Variants in MORN5 observed in about 807,000 individuals in gnomAD.
MORN5 encodes the protein MORN repeat-containing protein 5.
A neutral mutation model predicts 22.1 loss-of-function variants in MORN5; 21 were observed. The observed-to-expected ratio is 0.95, with a 90% CI of 0.67 to 1.37. The LOEUF (loss-of-function observed/expected upper bound fraction) is 1.37. Ranked by LOEUF, MORN5 falls within the 40% of genes most tolerant of loss-of-function variation. MORN5 has a pLI of 0.00. For missense variants in MORN5, 211 were observed against 215.1 expected (o/e 0.98, Z 0.12); for synonymous variants, 73 against 74.0 (o/e 0.99, Z 0.07).
At chr9:122,176,193 C>T (rs535523867) in intron 4 of MORN5, among the ~76,000 whole-genome samples, 1 of 152,058 alleles carries the variant, frequency 6.6e-6, no homozygotes, top group South Asian at 2.1e-4. Context: ...CTAAGATGCC[C>T]GTAACCCACT....
chr9:122,184,307 G>A lies in MORN5; in HGVS notation c.439+9680G>A, dbSNP rs889137464. On this transcript the variant is annotated intron_variant, in intron 4 of 4. Transcript: ENST00000373764. ...ATCATCTGTTGAAAAAGGCATGGGT[G>A]AAAAGCTCCCAGACATGATGTTTAT... Among the ~76,000 whole-genome samples, 8 of 152,310 alleles carry A rather than the reference G, an allele frequency of 5.3e-5. No individual in the cohort carries two copies. The East Asian group carries it at 1.5e-3, about 29-fold the overall frequency.
At chr9:122,180,506 G>C (rs920069407) in intron 4 of MORN5, among the ~76,000 whole-genome samples, 6 of 152,004 alleles carry the variant, frequency 3.9e-5, no homozygotes, top group African/African-American at 1.5e-4. Context: ...GGCTGGTCTC[G>C]AACTCCTGAC....
chr9:122,169,616 G>A (rs969842363), intron 2 of MORN5, 29 bp from the exon 3 acceptor site: 1 of 1,532,390 alleles, frequency 6.5e-7, no homozygotes, highest in Non-Finnish European at 9.0e-7. Flanking sequence ...AGCTTCCTCA[G>A]ATGCACGTGT....
At chr9:122,190,151 C>T (rs111360805) in intron 4 of MORN5, among the ~76,000 whole-genome samples, 193 of 152,270 alleles carry the variant, frequency 1.3e-3, no homozygotes, top group African/African-American at 4.4e-3. Flanking sequence ...CCCTTGCACA[C>T]GGAAGTGCTT....
At chr9:122,171,276 C>G (rs1169000673) in intron 3 of MORN5, among the ~76,000 whole-genome samples, 1 of 152,202 alleles carries the variant, frequency 6.6e-6, no homozygotes, top group African/African-American at 2.4e-5. Context: ...AGCTCAAACC[C>G]CCATCTCCTT....
chr9:122,197,142 C>A lies in MORN5; in HGVS notation c.440-2743C>A, dbSNP rs1829910468. On this transcript the variant is annotated intron_variant, in intron 4 of 4. Coordinates refer to ENST00000373764, the MANE Select transcript of MORN5 (RefSeq NM_198469.4). The surrounding 1 kb of genome is among the most constrained non-coding windows in gnomAD (Gnocchi z 5.7). ...AGTGGAATTACCGGGCCAACAGGGA[C>A]CAAAAATTTTTAAGATAAATGCACC... Among the ~76,000 whole-genome samples, 1 of 152,212 alleles carries A rather than the reference C, an allele frequency of 6.6e-6. No homozygotes were observed. The highest frequency in any genetic ancestry group is 2.1e-4 in the South Asian group (1 of 4,816).
At chr9:122,167,935 C>G (rs956488075) in intron 2 of MORN5, among the ~76,000 whole-genome samples, 5 of 152,156 alleles carry the variant, frequency 3.3e-5, no homozygotes, top group Admixed American at 2.0e-4. Context: ...ATCACGTCAC[C>G]CTTCGTCCCT....
Position 122,197,937 on chromosome 9 carries a change from T to C in MORN5, c.440-1948T>C, listed in dbSNP as rs141745965. 0.017 allele frequency among the ~76,000 whole-genome samples: 2,651 copies of C among 152,286 alleles called. 65 individuals are homozygous for C. The highest frequency in any genetic ancestry group is 0.055 in the African/African-American group (2,281 of 41,558). On this transcript the variant is annotated intron_variant, in intron 4 of 4. Coordinates refer to ENST00000373764, the MANE Select transcript of MORN5 (RefSeq NM_198469.4). This position sits in a 1 kb window ranked among gnomAD's most constrained non-coding sequence, Gnocchi z 5.7. ...CTCCCCAGAGGAAACTGAGGCTCACTGGCTGCTTGCCAGAGTGTGCCAGGC... is the reference window on the plus strand; with the variant it reads ...CTCCCCAGAGGAAACTGAGGCTCACCGGCTGCTTGCCAGAGTGTGCCAGGC...
intron 4 of MORN5, among the ~76,000 whole-genome samples, chr9:122,176,834 C>T (rs1276544489): frequency 1.3e-5 from 2 of 152,048 alleles, no homozygotes; most frequent in African/African-American, 2.4e-5. Flanking sequence ...GCCAAGATAG[C>T]GCCACTCCAC....
chr9:122,196,015 C>T (rs1385014831), intron 4 of MORN5, among the ~76,000 whole-genome samples: 2 of 134,862 alleles, frequency 1.5e-5, no homozygotes, highest in East Asian at 4.9e-4. Flanking sequence ...ACTCTGTCAC[C>T]CAGGCAATCA....
rs192753205 is a variant in MORN5, at chr9:122,175,516, C to T, written c.439+889C>T. 3.7e-5 allele frequency: 36 copies of T among 985,346 alleles called. No individual in the cohort carries two copies. In the African/African-American group the frequency reaches 5.9e-4, roughly 16 times the overall value. The allele number at this position is 985,346 out of a possible 1,614,324, so 61.0% of individuals were successfully genotyped here. On this transcript the variant is annotated intron_variant, in intron 4 of 4. Transcript: ENST00000373764. ...TCCTAAACTTATCCTTTTCTGAAGT[C>T]ACACTCCCACTAGGAATATCAAAAG...
chr9:122,161,987 C>T (rs1829207507), intron 1 of MORN5, among the ~76,000 whole-genome samples: 2 of 152,168 alleles, frequency 1.3e-5, no homozygotes, highest in African/African-American at 2.4e-5. Flanking sequence ...TACTTCTTTT[C>T]ATAAGTTGGA....
At chr9:122,199,206 C>T (rs559013415) in intron 4 of MORN5, among the ~76,000 whole-genome samples, 1 of 152,232 alleles carries the variant, frequency 6.6e-6, no homozygotes, top group African/African-American at 2.4e-5. Context: ...CTAGTCTGAG[C>T]TCTCCCACAT....
intron 4 of MORN5, among the ~76,000 whole-genome samples, chr9:122,183,029 C>T (rs750966140): frequency 1.3e-5 from 2 of 152,208 alleles, no homozygotes; most frequent in South Asian, 4.1e-4. Context: ...GTTGTTCCCC[C>T]ACCAAGCACA....
chr9:122,198,085 C>T (rs1444834931), intron 4 of MORN5, among the ~76,000 whole-genome samples: 1 of 152,178 alleles, frequency 6.6e-6, no homozygotes, highest in African/African-American at 2.4e-5. Context: ...GGCTGCAGAG[C>T]CTGGTGAACC....
At chr9:122,162,605 G>T (rs1404448914) in intron 1 of MORN5, among the ~76,000 whole-genome samples, 2 of 152,180 alleles carry the variant, frequency 1.3e-5, no homozygotes, top group Non-Finnish European at 2.9e-5. Context: ...GAAACTAATT[G>T]TGGTATATCC....
intron 3 of MORN5, 23 bp downstream of exon 3, chr9:122,169,779 C>T (rs1343650895): frequency 6.9e-7 from 1 of 1,459,362 alleles, no homozygotes; most frequent in African/African-American, 1.4e-5. Flanking sequence ...CCACCCTTTC[C>T]TTCATACCCA....
In MORN5 at chr9:122,199,966, C is replaced by T. The variant is rs779486243; in HGVS notation, c.*35C>T. On this transcript the variant is annotated 3_prime_UTR_variant, in exon 5 of 5. Coordinates refer to ENST00000373764, the MANE Select transcript of MORN5 (RefSeq NM_198469.4). ...GTGGGTCACAGGCCCGAGCCGTGAA[C>T]TCTGTGGCTGCCTCCACCAGAGGTT... 19 of 1,611,918 alleles carry T rather than the reference C, an allele frequency of 1.2e-5. No individual in the cohort carries two copies. The highest frequency in any genetic ancestry group is 1.1e-4 in the South Asian group (10 of 91,040).
chr9:122,194,747 C>T (rs557416306), intron 4 of MORN5, among the ~76,000 whole-genome samples: 14 of 152,232 alleles, frequency 9.2e-5, no homozygotes, highest in Admixed American at 5.9e-4. Context: ...AAGCCGGGCA[C>T]GGTGGACCAC....
Sources: allele counts gnomAD v4.1 joint callset (sites outside exome capture counted in the v4.1 genomes callset), GRCh38; gene constraint gnomAD v4.1.1; non-coding constraint Gnocchi (gnomAD v3.1); transcripts MANE v1.5; gene names NCBI Gene and HGNC (gene_info 2026-07-23, HGNC 2026-07-21).